MFHAS1: variants seen among roughly 807,000 people sequenced by gnomAD.
MFHAS1 encodes the protein multifunctional ROCO family signaling regulator 1.
A neutral mutation model predicts 70.4 loss-of-function variants in MFHAS1; 50 were observed. The ratio of observed to expected loss-of-function variants is 0.71; its 90% CI spans 0.57 to 0.90. The LOEUF (loss-of-function observed/expected upper bound fraction) is 0.90, where lower values mean the gene tolerates loss of function less well. Among genes scored for constraint, MFHAS1 ranks in the 40% least tolerant of loss-of-function variants. The probability of loss-of-function intolerance (pLI) is 0.00; values close to 1 mark genes in which losing one functional copy is unlikely to be tolerated. For missense variants in MFHAS1, 1,795 were observed against 1,347.6 expected, an observed-to-expected ratio of 1.33 and a Z score of -5.20; for synonymous variants, 952 against 620.0, an observed-to-expected ratio of 1.54 and a Z score of -7.96.
rs111799177 is a variant in MFHAS1 at position 8,786,444 on chromosome 8, A to G, written c.3126-389T>C. On this transcript the variant is annotated intron_variant, in intron 2 of 2. Transcript: ENST00000276282. ...ACGGTCACACGCAGACACACACCAA[A>G]TAATCCTCTAGAAGAAGGAATATAT... Among the ~76,000 whole-genome samples the G allele has an allele frequency of 1.7e-3, 263 of 152,322 alleles. 2 individuals are homozygous for G. Among genetic ancestry groups the G allele is most frequent in the African/African-American group, 6.1e-3 (255 of 41,578 alleles).
chr8:8,847,949 G>C (rs955462588), intron 1 of MFHAS1, among the ~76,000 whole-genome samples: 1 of 152,230 alleles, frequency 6.6e-6, no homozygotes, highest in African/African-American at 2.4e-5. Context: ...TATACTTGCT[G>C]TGATGCACAC....
In MFHAS1 at chr8:8,892,089, A is replaced by G; in HGVS notation, c.970T>C (p.Leu324=). The G allele has an allele frequency of 6.2e-7, 1 of 1,613,454 alleles. No homozygotes were observed. Among genetic ancestry groups the G allele is most frequent in the Non-Finnish European group, 8.5e-7 (1 of 1,180,024 alleles). The change falls in exon 1 of 3, where the codon TTG becomes CTG. Residue 324 remains leucine, a synonymous_variant. Transcript: ENST00000276282. The surrounding 1 kb of genome is among the most constrained non-coding windows in gnomAD (Gnocchi z 4.7). ...LISGLGRLLT[L]WLDNNRIRYL... is the part of the protein sequence containing the mutation. The stretch of plus-strand genomic sequence containing the variant: ...CGGATGCGGTTATTATCCAGCCACA[A>G]GGTGAGAAGCCGGCCCAGGCCCGAG...
intron 1 of MFHAS1, among the ~76,000 whole-genome samples, chr8:8,858,384 T>C (rs1808524767): frequency 6.6e-6 from 1 of 152,106 alleles, no homozygotes; most frequent in African/African-American, 2.4e-5. Flanking sequence ...AAAATTCTAA[T>C]AAATGAAAGA....
chr8:8,787,848 G>T (rs1362573716), intron 2 of MFHAS1, among the ~76,000 whole-genome samples: 1 of 152,174 alleles, frequency 6.6e-6, no homozygotes, highest in Non-Finnish European at 1.5e-5. Context: ...ACCTAATCAA[G>T]GACACCTAGA....
At chr8:8,789,429 G>C (rs532651930) in intron 2 of MFHAS1, among the ~76,000 whole-genome samples, 2 of 152,156 alleles carry the variant, frequency 1.3e-5, no homozygotes, top group Non-Finnish European at 1.5e-5. Context: ...ATGATGCCAC[G>C]TGAGACATTG....
intron 1 of MFHAS1, among the ~76,000 whole-genome samples, chr8:8,871,683 A>C (rs13274028): frequency 0.32 from 48,662 of 152,084 alleles, 9,376 homozygotes; most frequent in Admixed American, 0.44. Flanking sequence ...TTACAGACGA[A>C]ATTGAGGCCC....
At chr8:8,888,011 T>C (rs751671227) in intron 1 of MFHAS1, among the ~76,000 whole-genome samples, 7 of 152,230 alleles carry the variant, frequency 4.6e-5, no homozygotes, top group Non-Finnish European at 8.8e-5. Context: ...AGGTTGCTCC[T>C]TCAGTAAACT....
chr8:8,890,270 C>T lies in MFHAS1; in HGVS notation c.2789G>A (p.Arg930Lys), dbSNP rs766877672. 4 of 1,614,178 alleles carry T rather than the reference C, an allele frequency of 2.5e-6. No individual in the cohort carries two copies. The highest frequency in any genetic ancestry group is 3.4e-6 in the Non-Finnish European group (4 of 1,180,030). ...TGGCTGCAGGACTCCCCTGGCAGGT[C>T]TGTAACTCACAACCACAGGAACTTT... ...RGKVPVVVSY[R>K]PARGVLQPDT... Residue 930 changes from arginine to lysine, a missense_variant, in exon 1 of 3, where the codon AGA becomes AAA. Transcript: ENST00000276282.
At chr8:8,821,513 CCAGT>C (rs1243964118) in intron 1 of MFHAS1, among the ~76,000 whole-genome samples, 1 of 152,148 alleles carries the variant, frequency 6.6e-6, no homozygotes, top group Non-Finnish European at 1.5e-5. Flanking sequence ...TATGAAAATA[CCAGT>C]CAATCATCAC....
At chr8:8,804,768 G>A (rs765316601) in intron 1 of MFHAS1, among the ~76,000 whole-genome samples, 2 of 152,168 alleles carry the variant, frequency 1.3e-5, no homozygotes, top group African/African-American at 4.8e-5. Context: ...AATGAATAAC[G>A]CCAGGGAAGC....
chr8:8,856,457 C>T (rs943847354), intron 1 of MFHAS1, among the ~76,000 whole-genome samples: 3 of 152,162 alleles, frequency 2.0e-5, no homozygotes, highest in African/African-American at 4.8e-5. Flanking sequence ...TACATATTTC[C>T]TGTTGGAATT....
Position 8,890,458 on chromosome 8 carries a change from C to T in MFHAS1, c.2601G>A (p.Gly867=), listed in dbSNP as rs1809949925. Residue 867 remains glycine (G), a synonymous_variant, in exon 1 of 3, where the codon GGG becomes GGA. Coordinates refer to ENST00000276282, the MANE Select transcript of MFHAS1 (RefSeq NM_004225.3). ...CAAAAGACTGCCCAGCTAGGTTGGTCCCATTAATCCAGGCTTCTGCATGGG... is the reference window on the plus strand; with the variant it reads ...CAAAAGACTGCCCAGCTAGGTTGGTTCCATTAATCCAGGCTTCTGCATGGG... The part of the protein sequence containing the change: ...EVPHAEAWIN[G]TNLAGQSFVA... 1 of 1,613,906 alleles carries T rather than the reference C, an allele frequency of 6.2e-7. No homozygotes were observed.
chr8:8,843,852 T>C (rs74578242), intron 1 of MFHAS1, among the ~76,000 whole-genome samples: 6,850 of 152,264 alleles, frequency 0.045, 510 homozygotes, highest in African/African-American at 0.16. Context: ...AATGGAAAGG[T>C]AGAAATTGAA....
chr8:8,848,576 T>C (rs1808119077), intron 1 of MFHAS1, among the ~76,000 whole-genome samples: 1 of 152,084 alleles, frequency 6.6e-6, no homozygotes, highest in Non-Finnish European at 1.5e-5. Context: ...CTTCATGAGA[T>C]AAAGACAAGC....
chr8:8,871,928 C>T (rs1408650242), intron 1 of MFHAS1, among the ~76,000 whole-genome samples: 1 of 152,210 alleles, frequency 6.6e-6, no homozygotes, highest in African/African-American at 2.4e-5. Context: ...GCTAAGGTGA[C>T]ACTTGTTCTG....
In MFHAS1 at chr8:8,785,968, G is replaced by A. The variant is rs1246487747; in HGVS notation, c.*54C>T. 63 of 1,587,370 alleles carry A rather than the reference G, an allele frequency of 4.0e-5. No homozygotes were observed. The highest frequency in any genetic ancestry group is 5.0e-5 in the Non-Finnish European group (58 of 1,155,752). The stretch of plus-strand genomic sequence containing the variant: ...GAGGGTCTGCCAGGTGCAAAAGATG[G>A]TCCAGGTGTTCAGATGCTCTCTTTT... On this transcript the variant is annotated 3_prime_UTR_variant, in exon 3 of 3. Coordinates refer to ENST00000276282, the MANE Select transcript of MFHAS1 (RefSeq NM_004225.3).
chr8:8,821,525 C>G (rs1806956446), intron 1 of MFHAS1, among the ~76,000 whole-genome samples: 1 of 152,202 alleles, frequency 6.6e-6, no homozygotes, highest in Non-Finnish European at 1.5e-5. Flanking sequence ...AGTCAATCAT[C>G]ACTGATTAAT....
intron 2 of MFHAS1, among the ~76,000 whole-genome samples, chr8:8,797,147 A>C (rs1805931465): frequency 1.1e-5 from 1 of 90,094 alleles, no homozygotes; most frequent in Non-Finnish European, 2.3e-5. Context: ...TTATTAGCTA[A>C]AGTAAAAAAA....
rs556407196 is a variant in MFHAS1 at position 8,791,125 on chromosome 8, G to T, written c.3126-5070C>A. Among the ~76,000 whole-genome samples the T allele has an allele frequency of 9.4e-3, 1,248 of 132,576 alleles. 18 individuals are homozygous for T. The highest frequency in any genetic ancestry group is 0.033 in the African/African-American group (1,189 of 36,556). 87.0% of individuals were successfully genotyped at this position (132,576 alleles called of 152,430 possible). A position where few individuals can be genotyped will look rare whatever the true frequency, so the allele number is the denominator to read the frequency against. On this transcript the variant is annotated intron_variant, in intron 2 of 2. Transcript: ENST00000276282. ...CCATTTTCAAACCACCACCCCACCC[G>T]TTTTTTTTTTTTTTTTTTGCTAATT...
Sources: allele counts gnomAD v4.1 joint callset (sites outside exome capture counted in the v4.1 genomes callset), GRCh38; gene constraint gnomAD v4.1.1; non-coding constraint Gnocchi (gnomAD v3.1); transcripts MANE v1.5; gene names NCBI Gene and HGNC (gene_info 2026-07-23, HGNC 2026-07-21).